Variants in ZNF597 observed in about 807,000 individuals in gnomAD.
The protein encoded by ZNF597 is zinc finger protein 597.
In ZNF597, 5 loss-of-function variants were observed where a neutral mutation model predicts 7.3. The observed-to-expected ratio is 0.68, with a 90% CI of 0.36 to 1.44. The LOEUF is 1.44. Among genes scored for constraint, ZNF597 ranks in the 40% most tolerant of loss-of-function variants. The pLI, the probability that ZNF597 is intolerant of heterozygous loss-of-function variation, is 0.04. For missense variants in ZNF597, 585 were observed against 517.9 expected, an observed-to-expected ratio of 1.13 and a Z score of -1.26; for synonymous variants, 209 against 185.4, an observed-to-expected ratio of 1.13 and a Z score of -1.04.
chr16:3,443,413 G>T lies in ZNF597; in HGVS notation c.-107C>A, dbSNP rs374592756. On this transcript the variant is annotated 5_prime_UTR_variant, in exon 1 of 4. Coordinates refer to ENST00000301744, the MANE Select transcript of ZNF597 (RefSeq NM_152457.3). The stretch of plus-strand genomic sequence containing the variant: ...CTCCCTGACAGGAGCTGCAGAAAGC[G>T]ACGCCCGACCGAGACGCGACGAAGA... 1.9e-6 allele frequency: 1 copy of T among 519,562 alleles called. No individual in the cohort carries two copies. 32.2% of individuals were successfully genotyped at this position (519,562 alleles called of 1,614,324 possible). A position where few individuals can be genotyped will look rare whatever the true frequency, so the allele number is the denominator to read the frequency against.
chr16:3,436,661 A>T lies in ZNF597; in HGVS notation c.1038T>A (p.Cys346Ter). Reference protein sequence around the residue: ...SKFKPLQCPDCDMTFPCFSEL... With the variant: ...SKFKPLQCPD ...CAGAGAAACAAGGAAAGGTCATGTCACAGTCAGGACACTGTAAGGGCTTGA... is the reference window on the plus strand; with the variant it reads ...CAGAGAAACAAGGAAAGGTCATGTCTCAGTCAGGACACTGTAAGGGCTTGA... The change falls in exon 4 of 4, where the codon TGT becomes TGA. Residue 346 changes from cysteine (C) to a stop codon, truncating the protein, a stop_gained. Transcript: ENST00000301744. LOFTEE classifies it low-confidence loss of function (END_TRUNC). The T allele has an allele frequency of 6.2e-7, 1 of 1,612,298 alleles. No individual in the cohort carries two copies. Among genetic ancestry groups the T allele is most frequent in the Non-Finnish European group, 8.5e-7 (1 of 1,179,040 alleles).
rs1323030543 is a variant in ZNF597 at position 3,434,324 on chromosome 16, G to A, written c.*2100C>T. 1.3e-5 allele frequency: 2 copies of A among 152,230 alleles called. No homozygotes were observed. Among genetic ancestry groups the A allele is most frequent in the African/African-American group, 4.8e-5 (2 of 41,468 alleles). The allele number at this position is 152,230 out of a possible 1,614,324, so 9.4% of individuals were successfully genotyped here. A position where few individuals can be genotyped will look rare whatever the true frequency, so the allele number is the denominator to read the frequency against. ...TTTCTCCCACTGAGGGCAGAAGCAGGAGAGCAAGGAGGTGGTGTTCTTGTT... is the reference window on the plus strand; with the variant it reads ...TTTCTCCCACTGAGGGCAGAAGCAGAAGAGCAAGGAGGTGGTGTTCTTGTT... On this transcript the variant is annotated 3_prime_UTR_variant, in exon 4 of 4. Transcript: ENST00000301744.
At chr16:3,437,910 A>G (rs2034322400) in intron 3 of ZNF597, among the ~76,000 whole-genome samples, 1 of 152,218 alleles carries the variant, frequency 6.6e-6, no homozygotes, top group African/African-American at 2.4e-5. Context: ...AACAATTGGA[A>G]AAAAGATTAG....
intron 3 of ZNF597, among the ~76,000 whole-genome samples, chr16:3,440,567 C>T (rs1446739789): frequency 1.3e-5 from 2 of 151,918 alleles, no homozygotes; most frequent in South Asian, 2.1e-4. Flanking sequence ...CTGGGAGGCG[C>T]GGTTTGCAGT....
At chr16:3,438,443 G>A (rs1382733158) in intron 3 of ZNF597, among the ~76,000 whole-genome samples, 5 of 151,798 alleles carry the variant, frequency 3.3e-5, no homozygotes, top group Non-Finnish European at 4.4e-5. Context: ...TGCGCCTGTC[G>A]TCCCAGCTAC....
intron 2 of ZNF597, among the ~76,000 whole-genome samples, chr16:3,442,722 T>G (rs115044578): frequency 4.5e-4 from 68 of 151,040 alleles, no homozygotes; most frequent in African/African-American, 1.6e-3. Context: ...CACTGTGGTA[T>G]GCGCGCCTCT....
chr16:3,436,549 G>C lies in ZNF597; in HGVS notation c.1150C>G (p.Leu384Val), dbSNP rs757263589. Residue 384 changes from leucine (L) to valine (V), a missense_variant, in exon 4 of 4, where the codon CTT becomes GTT. Coordinates refer to ENST00000301744, the MANE Select transcript of ZNF597 (RefSeq NM_152457.3). ...ATGTGGCTCTTCTGGTGGCATGCAA[G>C]TTCTGAGTCCAAAGCAAAACTTTCC... is the stretch of plus-strand genomic sequence containing the variant. ...CEESFALDSELACHQKSHMLA... is the reference protein window; with the variant it reads ...CEESFALDSEVACHQKSHMLA... 6.2e-7 allele frequency: 1 copy of C among 1,613,770 alleles called. No individual in the cohort carries two copies. The highest frequency in any genetic ancestry group is 1.3e-5 in the African/African-American group (1 of 74,924).
At chr16:3,441,171 G>A (rs1000588466) in intron 2 of ZNF597, among the ~76,000 whole-genome samples, 9 of 152,214 alleles carry the variant, frequency 5.9e-5, no homozygotes, top group African/African-American at 1.9e-4. Context: ...TGGACTGTGA[G>A]AATTATTGTC....
rs138595895 is a variant in ZNF597, at chr16:3,443,299, C to G, written c.-54+61G>C. The G allele has an allele frequency of 3.0e-3, 2,297 of 760,814 alleles. 10 individuals carry two copies. Among genetic ancestry groups the G allele is most frequent in the Non-Finnish European group, 3.8e-3 (1,881 of 491,536 alleles). The allele number at this position is 760,814 out of a possible 1,614,324, so 47.1% of individuals were successfully genotyped here. On this transcript the variant is annotated intron_variant, in intron 1 of 3. Coordinates refer to ENST00000301744, the MANE Select transcript of ZNF597 (RefSeq NM_152457.3). ...CTCCCTCGATTCCCTCCGAACCCCC[C>G]CTTAAAAACCTACGCCGACTGCTCC...
At position 3,436,573 on chromosome 16, in the gene ZNF597, C is replaced by A; in HGVS notation, c.1126G>T (p.Glu376Ter). 6.2e-7 allele frequency: 1 copy of A among 1,612,180 alleles called. No individual in the cohort carries two copies. Among genetic ancestry groups the A allele is most frequent in the Non-Finnish European group, 8.5e-7 (1 of 1,178,936 alleles). The change falls in exon 4 of 4, where the codon GAA becomes TAA. Residue 376 changes from glutamate to a stop codon, truncating the protein, a stop_gained. Transcript: ENST00000301744. LOFTEE classifies it low-confidence loss of function (END_TRUNC). ...AGTTCTGAGTCCAAAGCAAAACTTT[C>A]CTCGCATGTTTTGCACTTATGGGGC... ...ERPHKCKTCE[E>*]SFALDSELAC...
chr16:3,436,184 G>T lies in ZNF597; in HGVS notation c.*240C>A. The T allele has an allele frequency of 1.9e-6, 1 of 517,816 alleles. No homozygotes were observed. The highest frequency in any genetic ancestry group is 3.4e-6 in the Non-Finnish European group (1 of 294,394). The allele number at this position is 517,816 out of a possible 1,614,324, so 32.1% of individuals were successfully genotyped here. Reference sequence around the variant, plus strand: ...GTTGTGTATCTTCTTCTGGCTCACAGTTGTACAGTAACTGAGTTCAAATCC... The same window carrying T: ...GTTGTGTATCTTCTTCTGGCTCACATTTGTACAGTAACTGAGTTCAAATCC... On this transcript the variant is annotated 3_prime_UTR_variant, in exon 4 of 4. Transcript: ENST00000301744.
In ZNF597 at chr16:3,439,219, A is replaced by T. The variant is rs189806853; in HGVS notation, c.160+1588T>A. On this transcript the variant is annotated intron_variant, in intron 3 of 3. Transcript: ENST00000301744. ...CATGGCAAAGCCCCATCCCTACAAA[A>T]AAAAAACAACAAAAAAAGACAAGCA... 5.3e-5 allele frequency among the ~76,000 whole-genome samples: 8 copies of T among 151,912 alleles called. No homozygotes were observed. The East Asian group carries it at 1.5e-3, about 29-fold the overall frequency.
In ZNF597 at chr16:3,433,890, A is replaced by C. The variant is rs2034276003; in HGVS notation, c.*2534T>G. 1 of 152,132 alleles carries C rather than the reference A, an allele frequency of 6.6e-6. No individual in the cohort carries two copies. Among genetic ancestry groups the C allele is most frequent in the African/African-American group, 2.4e-5 (1 of 41,430 alleles). The allele number at this position is 152,132 out of a possible 1,614,324, so 9.4% of individuals were successfully genotyped here. A position where few individuals can be genotyped will look rare whatever the true frequency, so the allele number is the denominator to read the frequency against. ...CCAAAAAGCCATTTTAGTTCTACCC[A>C]CACGTATGTTAATGTTTCTGAAAAG... On this transcript the variant is annotated 3_prime_UTR_variant, in exon 4 of 4. Coordinates refer to ENST00000301744, the MANE Select transcript of ZNF597 (RefSeq NM_152457.3).
rs368067302 is a variant in ZNF597, at chr16:3,443,127, C to T, written c.27G>A (p.Glu9=). MASMPPTP[E]AQGPILFEDL... ...AAAAGGTACCTCGACTCACCTGGGC[C>T]TCGGGCGTCGGGGGCATGGACGCCA... Residue 9 remains glutamate (E), a synonymous_variant, in exon 2 of 4, where the codon GAG becomes GAA. Transcript: ENST00000301744. The T allele has an allele frequency of 7.4e-6, 12 of 1,614,120 alleles. No individual in the cohort carries two copies. The highest frequency in any genetic ancestry group is 1.7e-4 in the Middle Eastern group (1 of 6,060).
chr16:3,437,849 C>A (rs1396992959), intron 3 of ZNF597, among the ~76,000 whole-genome samples: 1 of 152,120 alleles, frequency 6.6e-6, no homozygotes, highest in Non-Finnish European at 1.5e-5. Flanking sequence ...TCTATTTAGG[C>A]CTCAAGAGCC....
rs200725495 is a variant in ZNF597, at chr16:3,437,450, A to C, written c.249T>G (p.Ala83=). Residue 83 remains alanine (A), a synonymous_variant, in exon 4 of 4, where the codon GCT becomes GCG. Coordinates refer to ENST00000301744, the MANE Select transcript of ZNF597 (RefSeq NM_152457.3). ...TTTCTGGGTAAGGGACAAGGGGTGCAGCAATGGGGTACTTTTCTAAGGCAA... is the reference window on the plus strand; with the variant it reads ...TTTCTGGGTAAGGGACAAGGGGTGCCGCAATGGGGTACTTTTCTAAGGCAA... ...DELALEKYPI[A]APLVPYPEKS... is the part of the protein sequence containing the mutation. 6.2e-7 allele frequency: 1 copy of C among 1,614,224 alleles called. No homozygotes were observed. The highest frequency in any genetic ancestry group is 8.5e-7 in the Non-Finnish European group (1 of 1,180,044).
At chr16:3,440,425 G>A (rs2034353656) in intron 3 of ZNF597, among the ~76,000 whole-genome samples, 1 of 152,140 alleles carries the variant, frequency 6.6e-6, no homozygotes, top group Non-Finnish European at 1.5e-5. Flanking sequence ...ACAAGGTCAG[G>A]AGATTGAGAC....
rs1389319943 is a variant in ZNF597, at chr16:3,437,295, T to C, written c.404A>G (p.Tyr135Cys). 2.5e-6 allele frequency: 4 copies of C among 1,614,220 alleles called. No homozygotes were observed. Among genetic ancestry groups the C allele is most frequent in the Non-Finnish European group, 3.4e-6 (4 of 1,180,042 alleles). ...TTCAGAAAGTGTGTTGGTTCCTAAA[T>C]ATTCAGAGAGTTCTACTAATGGGGT... The part of the protein sequence containing the change: ...NHTPLVELSE[Y>C]LGTNTLSEIL... The change falls in exon 4 of 4, where the codon TAT becomes TGT. Residue 135 changes from tyrosine (Y) to cysteine (C), a missense_variant. Transcript: ENST00000301744.
chr16:3,437,485 G>C lies in ZNF597; in HGVS notation c.214C>G (p.Leu72Val), dbSNP rs1465987934. ...NQQLSLESMELDELALEKYPI... is the reference protein window; with the variant it reads ...NQQLSLESMEVDELALEKYPI... Reference sequence around the variant, plus strand: ...TACTTTTCTAAGGCAAGCTCGTCAAGTTCCATAGACTCTAGGCTTAACTGC... The same window carrying C: ...TACTTTTCTAAGGCAAGCTCGTCAACTTCCATAGACTCTAGGCTTAACTGC... Residue 72 changes from leucine to valine, a missense_variant, in exon 4 of 4, where the codon CTT (leucine) becomes GTT (valine). Transcript: ENST00000301744. 1.2e-6 allele frequency: 2 copies of C among 1,614,070 alleles called. No homozygotes were observed. The highest frequency in any genetic ancestry group is 1.7e-6 in the Non-Finnish European group (2 of 1,180,004).
Sources: gnomAD v4.1 joint callset for allele counts (sites outside exome capture counted in the v4.1 genomes callset) on GRCh38, gnomAD v4.1.1 for gene constraint, MANE v1.5 for transcripts, NCBI Gene and HGNC (gene_info 2026-07-23, HGNC 2026-07-21) for gene names.